The following SNX30 variants were observed in gnomAD, a reference collection of about 807,000 sequenced individuals.
The protein encoded by SNX30 is sorting nexin-30.
A neutral mutation model predicts 46.4 loss-of-function variants in SNX30; 24 were observed. That is an observed-to-expected ratio of 0.52 (90% CI 0.37 to 0.73). SNX30 has a LOEUF of 0.73. Among genes scored for constraint, SNX30 ranks in the 30% least tolerant of loss-of-function variants. The pLI is 0.00. For missense variants in SNX30, 533 were observed against 555.7 expected (o/e 0.96, Z 0.41); for synonymous variants, 189 against 211.5 (o/e 0.89, Z 0.92).
intron 1 of SNX30, among the ~76,000 whole-genome samples, chr9:112,773,963 G>T (rs776871740): frequency 1.4e-4 from 22 of 152,318 alleles, no homozygotes; most frequent in Admixed American, 4.6e-4. Context: ...GAAAAGAAAA[G>T]AGGAATCTTT....
chr9:112,835,294 T>C (rs1276352840), intron 4 of SNX30, among the ~76,000 whole-genome samples: 1 of 152,122 alleles, frequency 6.6e-6, no homozygotes, highest in Non-Finnish European at 1.5e-5. Flanking sequence ...TAGTGTTTGA[T>C]GATAGGAGGA....
chr9:112,804,264 A>C (rs1224504615), intron 1 of SNX30, among the ~76,000 whole-genome samples: 3 of 152,032 alleles, frequency 2.0e-5, no homozygotes, highest in Non-Finnish European at 4.4e-5. Context: ...TCCCAGGTTC[A>C]AGCAATTCTC....
intron 7 of SNX30, among the ~76,000 whole-genome samples, chr9:112,860,760 T>C (rs1564294973): frequency 6.6e-6 from 1 of 152,234 alleles, no homozygotes; most frequent in African/African-American, 2.4e-5. Flanking sequence ...TAATATAGTT[T>C]GTATTTGGAA....
chr9:112,841,636 C>G (rs1016133766), intron 6 of SNX30, among the ~76,000 whole-genome samples: 4 of 152,206 alleles, frequency 2.6e-5, no homozygotes, highest in Non-Finnish European at 4.4e-5. Context: ...GAAAATGTCT[C>G]TGCAGAGTGC....
chr9:112,764,678 C>G (rs140696232), intron 1 of SNX30, among the ~76,000 whole-genome samples: 1 of 152,234 alleles, frequency 6.6e-6, no homozygotes, highest in Non-Finnish European at 1.5e-5. Flanking sequence ...AAGGCTGTTG[C>G]AGTGGGAGGT....
chr9:112,778,815 G>T (rs962607387), intron 1 of SNX30, among the ~76,000 whole-genome samples: 2 of 152,188 alleles, frequency 1.3e-5, no homozygotes, highest in African/African-American at 4.8e-5. Flanking sequence ...CCAGAGGCAG[G>T]TGGATGAACA....
intron 6 of SNX30, among the ~76,000 whole-genome samples, chr9:112,847,075 A>C (rs1840949524): frequency 6.6e-6 from 1 of 152,224 alleles, no homozygotes; most frequent in African/African-American, 2.4e-5. Context: ...TTGTAGATAA[A>C]GGCTGTTTGA....
rs547875713 is a variant in SNX30 at position 112,807,151 on chromosome 9, G to A, written c.348+2184G>A. ...GTGATCTCAGCTCACTGCAACCTCC[G>A]CCCTCTGGGTTCAAGGGGATTCTCC... On this transcript the variant is annotated intron_variant, in intron 2 of 8. Transcript: ENST00000374232. Among the ~76,000 whole-genome samples, 9 of 132,042 alleles carry A rather than the reference G, an allele frequency of 6.8e-5. No homozygotes were observed. In the South Asian group the frequency reaches 1.8e-3, roughly 26 times the overall value. The allele number at this position is 132,042 out of a possible 152,430, so 86.6% of individuals were successfully genotyped here.
intron 7 of SNX30, 34 bp from the exon 8 acceptor site, chr9:112,864,213 G>T: frequency 3.1e-6 from 5 of 1,611,128 alleles, no homozygotes; most frequent in Non-Finnish European, 4.2e-6. Flanking sequence ...CCAGTTTTGT[G>T]TGCAGGGCAC....
intron 7 of SNX30, among the ~76,000 whole-genome samples, chr9:112,857,169 G>A (rs148296432): frequency 1.6e-4 from 24 of 152,266 alleles, no homozygotes; most frequent in East Asian, 1.5e-3. Context: ...GCAAGCTCGA[G>A]GATCTCTTGC....
At chr9:112,774,196 CTCT>C (rs527860618) in intron 1 of SNX30, among the ~76,000 whole-genome samples, 73 of 152,268 alleles carry the variant, frequency 4.8e-4, no homozygotes, top group Middle Eastern at 6.8e-3. Flanking sequence ...GTTTCTGTTT[CTCT>C]TCTTCTACCC....
intron 6 of SNX30, among the ~76,000 whole-genome samples, chr9:112,845,141 G>A (rs943721761): frequency 5.3e-5 from 8 of 152,116 alleles, no homozygotes; most frequent in African/African-American, 1.9e-4. Context: ...CCCAGTAATG[G>A]CAGACTGAAT....
intron 1 of SNX30, among the ~76,000 whole-genome samples, chr9:112,793,586 A>G (rs1237838775): frequency 1.3e-5 from 2 of 152,166 alleles, no homozygotes; most frequent in African/African-American, 4.8e-5. Flanking sequence ...AAGGGGGTTC[A>G]AGGACATTTT....
Position 112,874,815 on chromosome 9 carries a change from T to C in SNX30, c.*5972T>C, listed in dbSNP as rs1841500056. The C allele has an allele frequency of 6.6e-6, 1 of 152,180 alleles. No individual in the cohort carries two copies. Among genetic ancestry groups the C allele is most frequent in the Non-Finnish European group, 1.5e-5 (1 of 68,034 alleles). 9.4% of individuals were successfully genotyped at this position (152,180 alleles called of 1,614,324 possible). A position where few individuals can be genotyped will look rare whatever the true frequency, so the allele number is the denominator to read the frequency against. On this transcript the variant is annotated 3_prime_UTR_variant, in exon 9 of 9. Coordinates refer to ENST00000374232, the MANE Select transcript of SNX30 (RefSeq NM_001012994.2). ...ATGCTGGCACGAGGTTTTTGTCCAC[T>C]TTTTTCATATATCTGTGTATAAAAA... is the stretch of plus-strand genomic sequence containing the variant.
At chr9:112,781,094 T>C (rs1839838909) in intron 1 of SNX30, among the ~76,000 whole-genome samples, 1 of 152,220 alleles carries the variant, frequency 6.6e-6, no homozygotes, top group African/African-American at 2.4e-5. Flanking sequence ...TTTATTTTGG[T>C]GGTGGTGTCC....
chr9:112,791,980 T>C (rs1840033143), intron 1 of SNX30, among the ~76,000 whole-genome samples: 1 of 152,228 alleles, frequency 6.6e-6, no homozygotes, highest in African/African-American at 2.4e-5. Context: ...ATTCTTTTAG[T>C]GTACTGTTAG....
intron 1 of SNX30, among the ~76,000 whole-genome samples, chr9:112,761,029 A>G (rs1229644055): frequency 6.6e-6 from 1 of 152,194 alleles, no homozygotes; most frequent in Non-Finnish European, 1.5e-5. Context: ...TTGAGAGTCT[A>G]GAGGTGGAGA....
chr9:112,756,788 T>C (rs940132782), intron 1 of SNX30, among the ~76,000 whole-genome samples: 1 of 152,194 alleles, frequency 6.6e-6, no homozygotes, highest in African/African-American at 2.4e-5. Context: ...GTTCATCTGC[T>C]CTCTCCCACG....
intron 1 of SNX30, among the ~76,000 whole-genome samples, chr9:112,794,845 CA>C (rs1316523445): frequency 1.3e-5 from 2 of 152,124 alleles, no homozygotes; most frequent in African/African-American, 4.8e-5. Flanking sequence ...GTTTGTAAAG[CA>C]ACCTCACTCT....
Sources: allele counts gnomAD v4.1 joint callset (sites outside exome capture counted in the v4.1 genomes callset), GRCh38; gene constraint gnomAD v4.1.1; transcripts MANE v1.5; gene names NCBI Gene and HGNC (gene_info 2026-07-23, HGNC 2026-07-21).